Variants in SNX29 observed in about 807,000 individuals in gnomAD.
SNX29 encodes the protein sorting nexin-29.
A neutral mutation model predicts 102.1 loss-of-function variants in SNX29; 78 were observed. The observed-to-expected ratio is 0.76, with a 90% CI of 0.64 to 0.92. The LOEUF (loss-of-function observed/expected upper bound fraction) is 0.92, where lower values mean the gene tolerates loss of function less well. SNX29 is among the 40% of genes least tolerant of loss of function. The pLI is 0.00. For synonymous variants in SNX29, 580 were observed against 414.5 expected, an observed-to-expected ratio of 1.40 and a Z score of -4.85; for missense variants, 1,280 against 1,061.7, an observed-to-expected ratio of 1.21 and a Z score of -2.86.
intron 15 of SNX29, among the ~76,000 whole-genome samples, chr16:12,306,410 TGTCCTCCA>T (rs898156778): frequency 4.0e-5 from 6 of 151,882 alleles, no homozygotes; most frequent in Non-Finnish European, 8.8e-5. Context: ...GAGAGAACAA[TGTCCTCCA>T]GTATAAAACG....
chr16:12,261,410 T>G (rs1463227681), intron 14 of SNX29, among the ~76,000 whole-genome samples: 11 of 117,744 alleles, frequency 9.3e-5, no homozygotes, highest in African/African-American at 3.9e-4. Context: ...CTGGAGTAAG[T>G]GTTTGCTCTG....
At chr16:12,059,079 A>G (rs992210619) in intron 8 of SNX29, among the ~76,000 whole-genome samples, 12 of 152,146 alleles carry the variant, frequency 7.9e-5, no homozygotes, top group African/African-American at 1.2e-4. Flanking sequence ...GCAATCTTTA[A>G]TGTAACTCAT....
chr16:12,323,549 G>A (rs1233840877), intron 15 of SNX29, among the ~76,000 whole-genome samples: 1 of 151,768 alleles, frequency 6.6e-6, no homozygotes, highest in African/African-American at 2.4e-5. Context: ...ACAAAGGTTA[G>A]CAGGCAAAGG....
At chr16:12,001,357 C>T (rs2056280632) in intron 2 of SNX29, among the ~76,000 whole-genome samples, 1 of 152,134 alleles carries the variant, frequency 6.6e-6, no homozygotes, top group Non-Finnish European at 1.5e-5. Context: ...GGGTGATCCG[C>T]CCAACTCGGC....
At chr16:12,536,324 T>C (rs868403741) in intron 20 of SNX29, among the ~76,000 whole-genome samples, 1 of 152,160 alleles carries the variant, frequency 6.6e-6, no homozygotes, top group Admixed American at 6.5e-5. Context: ...GAGAAATTAC[T>C]AATGCAGCAG....
intron 13 of SNX29, among the ~76,000 whole-genome samples, chr16:12,178,864 A>G (rs183589536): frequency 9.2e-4 from 140 of 152,316 alleles, no homozygotes; most frequent in South Asian, 2.7e-3. Context: ...TCTGATCGTA[A>G]TAGTGTATTA....
rs1392203919 is a variant in SNX29, at chr16:12,571,836, G to C, written c.*3207G>C. 1 of 1,049,190 alleles carries C rather than the reference G, an allele frequency of 9.5e-7. No homozygotes were observed. Among genetic ancestry groups the C allele is most frequent in the Non-Finnish European group, 1.2e-6 (1 of 865,744 alleles). 65.0% of individuals were successfully genotyped at this position (1,049,190 alleles called of 1,614,324 possible). A position where few individuals can be genotyped will look rare whatever the true frequency, so the allele number is the denominator to read the frequency against. On this transcript the variant is annotated 3_prime_UTR_variant, in exon 21 of 21. Coordinates refer to ENST00000566228, the MANE Select transcript of SNX29 (RefSeq NM_032167.5). ...CAGCTTCTTTGATTCCCACTTAGCA[G>C]TATGCTCCAATCACGTTGCTGGCAA...
intron 14 of SNX29, among the ~76,000 whole-genome samples, chr16:12,262,569 G>C (rs1373521196): frequency 6.6e-6 from 1 of 152,196 alleles, no homozygotes; most frequent in Non-Finnish European, 1.5e-5. Context: ...TGTGTACACC[G>C]GCGGGATGAG....
At chr16:12,497,386 C>G (rs184739577) in intron 19 of SNX29, among the ~76,000 whole-genome samples, 2 of 152,140 alleles carry the variant, frequency 1.3e-5, no homozygotes, top group Non-Finnish European at 2.9e-5. Context: ...ATAGGGCCTC[C>G]GAGTCAGTGC....
At chr16:12,504,641 T>C (rs1228578439) in intron 19 of SNX29, among the ~76,000 whole-genome samples, 1 of 152,246 alleles carries the variant, frequency 6.6e-6, no homozygotes, top group Non-Finnish European at 1.5e-5. Flanking sequence ...GTAAGATATT[T>C]TGAGAGAGAG....
intron 14 of SNX29, among the ~76,000 whole-genome samples, chr16:12,252,810 C>T (rs1355925490): frequency 1.3e-5 from 2 of 152,228 alleles, no homozygotes; most frequent in African/African-American, 4.8e-5. Flanking sequence ...TGGTGGGCCG[C>T]CAGCTGTGTC....
intron 19 of SNX29, among the ~76,000 whole-genome samples, chr16:12,481,499 TACATATAC>T (rs1384309179): frequency 2.9e-5 from 4 of 138,608 alleles, no homozygotes; most frequent in Non-Finnish European, 6.1e-5. Flanking sequence ...TACACATATG[TACATATAC>T]ATATAGACAC....
intron 15 of SNX29, among the ~76,000 whole-genome samples, chr16:12,354,989 A>G (rs551533982): frequency 3.3e-5 from 5 of 152,120 alleles, no homozygotes; most frequent in Non-Finnish European, 5.9e-5. Context: ...AGAAGGGGGT[A>G]CCTTTGGAGG....
intron 15 of SNX29, among the ~76,000 whole-genome samples, chr16:12,328,237 C>A (rs1406198395): frequency 1.3e-5 from 2 of 152,186 alleles, no homozygotes; most frequent in Non-Finnish European, 2.9e-5. Flanking sequence ...TATTATTTTA[C>A]TACTACTGTT....
At chr16:12,395,763 A>G (rs1351725072) in intron 16 of SNX29, among the ~76,000 whole-genome samples, 2 of 152,188 alleles carry the variant, frequency 1.3e-5, no homozygotes, top group Non-Finnish European at 2.9e-5. Context: ...GATTTTTCTT[A>G]CAAAATAATC....
intron 18 of SNX29, among the ~76,000 whole-genome samples, chr16:12,460,009 A>G (rs2086710167): frequency 6.6e-6 from 1 of 152,208 alleles, no homozygotes. Context: ...GAACAGAAGC[A>G]TGGCTCAGCT....
In SNX29 at chr16:12,239,639, C is replaced by CAAAAAAAAAA. The variant is rs61024203; in HGVS notation, c.1679-38273_1679-38264dup. ...GGCAAGGAGTGAGACCCTGTTTCTA[C>CAAAAAAAAAA]AAAAAAAAAAAAAAAAAAAAAAAAA... On this transcript the variant is annotated intron_variant, in intron 14 of 20. Transcript: ENST00000566228. 8.0e-5 allele frequency among the ~76,000 whole-genome samples: 5 copies of CAAAAAAAAAA among 62,568 alleles called. 1 individual carries two copies. Among genetic ancestry groups the CAAAAAAAAAA allele is most frequent in the African/African-American group, 3.1e-4 (5 of 15,886 alleles). The allele number at this position is 62,568 out of a possible 152,430, so 41.0% of individuals were successfully genotyped here. A position where few individuals can be genotyped will look rare whatever the true frequency, so the allele number is the denominator to read the frequency against.
At chr16:12,318,158 G>A (rs1042352230) in intron 15 of SNX29, among the ~76,000 whole-genome samples, 1 of 152,250 alleles carries the variant, frequency 6.6e-6, no homozygotes, top group Non-Finnish European at 1.5e-5. Flanking sequence ...TTCTTCCAGA[G>A]AGGGCGGCAG....
intron 11 of SNX29, among the ~76,000 whole-genome samples, chr16:12,086,562 C>T (rs940024013): frequency 1.3e-5 from 2 of 151,990 alleles, no homozygotes; most frequent in Non-Finnish European, 2.9e-5. Context: ...AGGTGCATGC[C>T]ACCCCGCCCG....
Sources: gnomAD v4.1 joint callset for allele counts (sites outside exome capture counted in the v4.1 genomes callset) on GRCh38, gnomAD v4.1.1 for gene constraint, MANE v1.5 for transcripts, NCBI Gene and HGNC (gene_info 2026-07-23, HGNC 2026-07-21) for gene names.